The following OR51B5 variants were observed in gnomAD, a reference collection of about 807,000 sequenced individuals.
OR51B5 encodes olfactory receptor family 51 subfamily B member 5.
For synonymous variants in OR51B5, 186 were observed against 144.8 expected (o/e 1.28, Z -2.04); for missense variants, 456 against 374.6 (o/e 1.22, Z -1.79).
intron 1 of OR51B5, among the ~76,000 whole-genome samples, chr11:5,470,392 C>G (rs1432301279): frequency 6.6e-6 from 1 of 152,184 alleles, no homozygotes; most frequent in African/African-American, 2.4e-5. Context: ...CCCCTCATTT[C>G]TTCTGAGTAA....
chr11:5,344,829 T>TTTGTTTA (rs1848965247), upstream of OR51B5, among the ~76,000 whole-genome samples: 1 of 152,138 alleles, frequency 6.6e-6, no homozygotes, highest in Non-Finnish European at 1.5e-5. Context: ...TAAACAAATA[T>TTTGTTTA]AAATGCAAGT....
chr11:5,363,480 C>A (rs1486999557), intron 1 of OR51B5, among the ~76,000 whole-genome samples: 1 of 151,462 alleles, frequency 6.6e-6, no homozygotes, highest in African/African-American at 2.4e-5. Context: ...CACAAAAGCG[C>A]CACACACACA....
At chr11:5,350,899 T>C (rs1362460367) in intron 1 of OR51B5, among the ~76,000 whole-genome samples, 1 of 152,216 alleles carries the variant, frequency 6.6e-6, no homozygotes, top group Non-Finnish European at 1.5e-5. Context: ...GCTTCATCAA[T>C]TGAATTTTCC....
intron 1 of OR51B5, among the ~76,000 whole-genome samples, chr11:5,407,341 T>G (rs1397499976): frequency 6.6e-6 from 1 of 152,192 alleles, no homozygotes; most frequent in Non-Finnish European, 1.5e-5. Flanking sequence ...TTGCATTGAG[T>G]TCCACATGGT....
rs564968479 is a variant in OR51B5 at position 5,450,197 on chromosome 11, T to C, written n.84+55372A>G. On this transcript the variant is annotated intron_variant and non_coding_transcript_variant, in intron 1 of 4. Coordinates refer to the OR51B5 transcript ENST00000415970. Reference sequence around the variant, plus strand: ...TGAGGTCAGGTGTTCGAGACCAGCCTGGCCAATATGGTGAAACCCTGTCTC... The same window carrying C: ...TGAGGTCAGGTGTTCGAGACCAGCCCGGCCAATATGGTGAAACCCTGTCTC... 4.6e-3 allele frequency among the ~76,000 whole-genome samples: 702 copies of C among 152,146 alleles called. 3 individuals are homozygous for C. Among genetic ancestry groups the C allele is most frequent in the African/African-American group, 0.016 (679 of 41,512 alleles).
rs1428181494 is a variant in OR51B5, at chr11:5,481,519, CAGG to C, written n.84+24047_84+24049del. Among the ~76,000 whole-genome samples, 1,177 of 146,814 alleles carry C rather than the reference CAGG, an allele frequency of 8.0e-3. 25 individuals are homozygous for C. Among genetic ancestry groups the C allele is most frequent in the African/African-American group, 0.029 (1,115 of 38,328 alleles). On this transcript the variant is annotated intron_variant and non_coding_transcript_variant, in intron 1 of 4. Transcript: ENST00000415970. ...GGAAGTTCTGGCCAGGGCAATTAGG[CAGG>C]AGAAGGAAATAAAGGGTATTCAAGC...
intron 1 of OR51B5, among the ~76,000 whole-genome samples, chr11:5,414,138 T>TA (rs751447613): frequency 2.6e-5 from 4 of 151,822 alleles, no homozygotes; most frequent in African/African-American, 7.3e-5. Context: ...TCAACATTCT[T>TA]AAGAAAAGAA....
chr11:5,481,958 T>C (rs11037707), intron 1 of OR51B5, among the ~76,000 whole-genome samples: 64,131 of 103,316 alleles, frequency 0.62, 22,280 homozygotes, highest in East Asian at 0.8. Context: ...TCAATGCCAT[T>C]CCCATCAAGC....
chr11:5,403,515 C>T (rs1427090738), intron 1 of OR51B5: 3 of 471,638 alleles, frequency 6.4e-6, no homozygotes, highest in East Asian at 7.0e-5. Context: ...TGCCATTGTC[C>T]GAATGCTATT....
chr11:5,493,678 A>C (rs1007264201), intron 1 of OR51B5, among the ~76,000 whole-genome samples: 1 of 152,210 alleles, frequency 6.6e-6, no homozygotes, highest in Non-Finnish European at 1.5e-5. Context: ...AGGCCAGAGG[A>C]GCCCTAGGGT....
chr11:5,484,884 C>A (rs1851478109), intron 1 of OR51B5, among the ~76,000 whole-genome samples: 2 of 152,130 alleles, frequency 1.3e-5, no homozygotes, highest in African/African-American at 4.8e-5. Context: ...ATAAACCTGC[C>A]TTTTAAAAAA....
chr11:5,439,801 A>G (rs10838105), intron 1 of OR51B5, among the ~76,000 whole-genome samples: 73,954 of 151,980 alleles, frequency 0.49, 19,561 homozygotes, highest in Non-Finnish European at 0.59. Context: ...AAAGAGAAAC[A>G]TTGTCCTTCT....
At chr11:5,371,238 A>G (rs1417650842) in intron 1 of OR51B5, among the ~76,000 whole-genome samples, 3 of 152,318 alleles carry the variant, frequency 2.0e-5, no homozygotes, top group African/African-American at 7.2e-5. Flanking sequence ...TAAGCCACAC[A>G]GCACCTTTCC....
At chr11:5,457,657 C>G (rs1364011596) in intron 1 of OR51B5, among the ~76,000 whole-genome samples, 1 of 152,136 alleles carries the variant, frequency 6.6e-6, no homozygotes. Flanking sequence ...TAGTAATAGT[C>G]ATTTCTCACT....
At chr11:5,345,397 G>C (rs1195951042), upstream of OR51B5, among the ~76,000 whole-genome samples, 2 of 152,150 alleles carry the variant, frequency 1.3e-5, no homozygotes, top group Non-Finnish European at 2.9e-5. Context: ...AACTTAAACA[G>C]AGACAGATGC....
At chr11:5,387,113 G>A (rs1195244745) in intron 1 of OR51B5, among the ~76,000 whole-genome samples, 1 of 152,024 alleles carries the variant, frequency 6.6e-6, no homozygotes, top group East Asian at 1.9e-4. Context: ...AGAAGTTAAG[G>A]TGTTCAAGGA....
intron 1 of OR51B5, among the ~76,000 whole-genome samples, chr11:5,383,181 A>T (rs1849637174): frequency 6.6e-6 from 1 of 152,154 alleles, no homozygotes; most frequent in South Asian, 2.1e-4. Context: ...GGCTCATTGA[A>T]GGAAAGTCCA....
chr11:5,488,691 T>G lies in OR51B5; in HGVS notation n.84+16878A>C, dbSNP rs1821336. ...AACAATACTATTCAGAAAGAGCCCT[T>G]CATTTGCCAGGAAGAATGTCAGATT... On this transcript the variant is annotated intron_variant and non_coding_transcript_variant, in intron 1 of 4. Coordinates refer to the OR51B5 transcript ENST00000415970. 3.2e-6 allele frequency: 5 copies of G among 1,569,078 alleles called. No homozygotes were observed. In the Admixed American group the frequency reaches 8.4e-5, roughly 26 times the overall value.
Position 5,343,292 on chromosome 11 carries a change from G to A in OR51B5, c.233C>T (p.Thr78Met), listed in dbSNP as rs57273781. Residue 78 changes from threonine to methionine, a missense_variant, in exon 1 of 1, where the codon ACG (threonine) becomes ATG (methionine). By Grantham distance (81) the Thr-to-Met change is moderately conservative. Coordinates refer to ENST00000300773, the Ensembl canonical transcript of OR51B5. ...ATCCAGCCAGAGGACTCCCAGCACC[G>A]TGGGCATTGTGGTCAGGGCCAGCCC... The A allele has an allele frequency of 1.5e-4, 236 of 1,611,518 alleles. No homozygotes were observed. The African/African-American group carries it at 2.7e-3, about 19-fold the overall frequency.
Sources: allele counts gnomAD v4.1 joint callset (sites outside exome capture counted in the v4.1 genomes callset), GRCh38; gene constraint gnomAD v4.1.1; transcripts MANE v1.5; gene names NCBI Gene and HGNC (gene_info 2026-07-23, HGNC 2026-07-21).